Variants in ATAD3A observed in about 807,000 individuals in gnomAD.
ATAD3A encodes ATPase family AAA domain containing 3A.
Under a neutral mutation model 73.8 loss-of-function variants are expected in ATAD3A, and 46 were observed. The observed-to-expected ratio is 0.62, with a 90% CI of 0.49 to 0.80. ATAD3A has a LOEUF of 0.80. ATAD3A is among the 30% of genes least tolerant of loss of function. ATAD3A has a pLI of 0.00. For synonymous variants in ATAD3A, 319 were observed against 350.0 expected, an observed-to-expected ratio of 0.91 and a Z score of 0.99; for missense variants, 705 against 838.0, an observed-to-expected ratio of 0.84 and a Z score of 1.96.
At chr1:1,516,727 AT>A (rs1177132584) in intron 2 of ATAD3A, among the ~76,000 whole-genome samples, 2 of 150,240 alleles carry the variant, frequency 1.3e-5, no homozygotes, top group African/African-American at 2.5e-5. Context: ...TCATATTATT[AT>A]TTTTTTATAG....
intron 4 of ATAD3A, 103 bp from the exon 5 acceptor site, chr1:1,518,818 G>A: frequency 6.2e-7 from 1 of 1,600,116 alleles, no homozygotes. Context: ...CCGCAAACGG[G>A]CACACTCACC....
At chr1:1,525,142 G>A in intron 11 of ATAD3A, 98 bp from the exon 12 acceptor site, 4 of 1,517,790 alleles carry the variant, frequency 2.6e-6, no homozygotes, top group Non-Finnish European at 3.6e-6. Context: ...GACCCCGTGG[G>A]GATCTGCCTG....
intron 1 of ATAD3A, among the ~76,000 whole-genome samples, chr1:1,513,318 G>A (rs931499764): frequency 1.3e-5 from 2 of 151,460 alleles, no homozygotes; most frequent in African/African-American, 4.9e-5. Flanking sequence ...TTCACTTAGA[G>A]ATTGAAACTT....
chr1:1,527,129 T>C (rs938685033), intron 13 of ATAD3A: 20 of 1,286,644 alleles, frequency 1.6e-5, no homozygotes, highest in Non-Finnish European at 1.9e-5. Flanking sequence ...TCCCCTAATT[T>C]TGAGTTTTCT....
At chr1:1,514,021 A>G (rs965626461) in intron 1 of ATAD3A, among the ~76,000 whole-genome samples, 17 of 151,874 alleles carry the variant, frequency 1.1e-4, no homozygotes, top group African/African-American at 4.1e-4. Flanking sequence ...CTCGCCCTGC[A>G]CTCCACAGAG....
At chr1:1,518,000 C>A (rs1388910929) in intron 4 of ATAD3A, among the ~76,000 whole-genome samples, 2 of 151,942 alleles carry the variant, frequency 1.3e-5, no homozygotes, top group Non-Finnish European at 2.9e-5. Context: ...CCTACCCACA[C>A]GGACACACAC....
Position 1,534,489 on chromosome 1 carries a change from A to T in ATAD3A, c.*417A>T. On this transcript the variant is annotated 3_prime_UTR_variant, in exon 16 of 16. Coordinates refer to ENST00000378756, the MANE Select transcript of ATAD3A (RefSeq NM_001170535.3). ...AGGTGAGGGGGCGCCTGCCAGGGCC[A>T]GACCCAGGTGGGGCAGCCTGAACCC... is the stretch of plus-strand genomic sequence containing the variant. The T allele has an allele frequency of 1.1e-6, 1 of 942,348 alleles. No individual in the cohort carries two copies. The highest frequency in any genetic ancestry group is 1.4e-6 in the Non-Finnish European group (1 of 719,882). The allele number at this position is 942,348 out of a possible 1,614,324, so 58.4% of individuals were successfully genotyped here. A position where few individuals can be genotyped will look rare whatever the true frequency, so the allele number is the denominator to read the frequency against.
chr1:1,527,571 G>A (rs1243073613), intron 13 of ATAD3A, 124 bp from the exon 14 acceptor site: 2 of 1,312,640 alleles, frequency 1.5e-6, no homozygotes, highest in Non-Finnish European at 2.0e-6. Flanking sequence ...GACCAGGGCT[G>A]TGCCCGTGTC....
At position 1,532,674 on chromosome 1, in the gene ATAD3A, G is replaced by T. The variant is rs538292718; in HGVS notation, c.1615-1252G>T. Among the ~76,000 whole-genome samples, 18 of 152,302 alleles carry T rather than the reference G, an allele frequency of 1.2e-4. No individual in the cohort carries two copies. In the East Asian group the frequency reaches 2.5e-3, roughly 21 times the overall value. ...TCTGCATAGCCCCTTTCCTCTGCTG[G>T]GCCCTGGGTGGGGTGCAGCCACTCG... On this transcript the variant is annotated intron_variant, in intron 15 of 15. Transcript: ENST00000378756.
chr1:1,523,990 G>C lies in ATAD3A; in HGVS notation c.1089+26G>C. 1 of 1,613,482 alleles carries C rather than the reference G, an allele frequency of 6.2e-7. No individual in the cohort carries two copies. Among genetic ancestry groups the C allele is most frequent in the Middle Eastern group, 1.7e-4 (1 of 6,028 alleles). The stretch of plus-strand genomic sequence containing the variant: ...GTGAGAGCGCCTGGCTGAACAGGTG[G>C]GCCAGGGGCCGCTGGGGTCTCACCT... On this transcript the variant is annotated intron_variant, in intron 10 of 15. Transcript: ENST00000378756. The surrounding 1 kb of genome is among the most constrained non-coding windows in gnomAD (Gnocchi z 5.1).
At chr1:1,521,663 G>A (rs575572512) in intron 7 of ATAD3A, among the ~76,000 whole-genome samples, 1 of 152,370 alleles carries the variant, frequency 6.6e-6, no homozygotes, top group South Asian at 2.1e-4. Flanking sequence ...ACCGTGTCAC[G>A]TGAGGACATG....
intron 15 of ATAD3A, among the ~76,000 whole-genome samples, chr1:1,530,050 A>AG (rs1641983893): frequency 6.6e-6 from 1 of 152,232 alleles, no homozygotes; most frequent in African/African-American, 2.4e-5. Context: ...AACGTGTGAC[A>AG]GCTTAATGAA....
intron 4 of ATAD3A, among the ~76,000 whole-genome samples, chr1:1,518,467 ATGGGCACAG>A: frequency 1.0e-5 from 1 of 95,274 alleles, no homozygotes; most frequent in East Asian, 3.6e-4. Flanking sequence ...CCCTATACAC[ATGGGCACAG>A]CCCCCCCGCA....
At chr1:1,527,057 G>A (rs1226193807) in intron 13 of ATAD3A, 4 of 719,902 alleles carry the variant, frequency 5.6e-6, no homozygotes. Context: ...TCTGTGGGCT[G>A]CCGCCCAGAG....
At position 1,522,784 on chromosome 1, in the gene ATAD3A, C is replaced by T. The variant is rs762003897; in HGVS notation, c.791C>T (p.Ala264Val). The T allele has an allele frequency of 6.2e-7, 1 of 1,611,598 alleles. No individual in the cohort carries two copies. The highest frequency in any genetic ancestry group is 1.1e-5 in the South Asian group (1 of 91,016). Reference protein sequence around the residue: ...LTLLAVGVYSAKNATLVAGRF... With the variant: ...LTLLAVGVYSVKNATLVAGRF... ...CTGCTGGCTGTTGGGGTCTACTCAGCCAAGAATGCCACGCTTGTCGCCGGC... is the reference window on the plus strand; with the variant it reads ...CTGCTGGCTGTTGGGGTCTACTCAGTCAAGAATGCCACGCTTGTCGCCGGC... Residue 264 changes from alanine (A) to valine (V), a missense_variant, in exon 8 of 16, where the codon GCC (alanine) becomes GTC (valine). Ala to Val is a moderately conservative substitution (Grantham distance 64, BLOSUM62 0). This residue lies in a region of ATAD3A where 315 missense variants were observed against 334.1 expected (regional missense o/e 0.94). Transcript: ENST00000378756.
chr1:1,512,807 C>G (rs1641245054), intron 1 of ATAD3A: 1 of 1,029,458 alleles, frequency 9.7e-7, no homozygotes, highest in South Asian at 2.5e-5. Context: ...GCCGCCTCCA[C>G]GTGGCACAGG....
Position 1,512,485 on chromosome 1 carries a change from GGGGCGGGGCGGCGCGGGCGGGC to G in ATAD3A, c.205+20_205+41del, listed in dbSNP as rs768556524. The G allele has an allele frequency of 2.2e-5, 26 of 1,197,706 alleles. 2 individuals are homozygous for G. The South Asian group carries it at 7.4e-4, about 34-fold the overall frequency. 74.2% of individuals were successfully genotyped at this position (1,197,706 alleles called of 1,614,324 possible). On this transcript the variant is annotated intron_variant, in intron 1 of 15. Transcript: ENST00000378756. ...GCTGGAGCACTCGCGTGAGTGCGGC[GGGGCGGGGCGGCGCGGGCGGGC>G]GGGCGGGACGGGCCGGGGAAGCGGG...
In ATAD3A at chr1:1,528,627, A is replaced by T. The variant is rs558542764; in HGVS notation, c.1506-596A>T. On this transcript the variant is annotated intron_variant, in intron 14 of 15. Transcript: ENST00000378756. ...CCAGGTGATGAGGGGCCCTGGCACC[A>T]CACACCGGCTGCCTCGGGAACACTC... Among the ~76,000 whole-genome samples, 62 of 152,360 alleles carry T rather than the reference A, an allele frequency of 4.1e-4. 1 individual carries two copies. In the East Asian group the frequency reaches 0.011, roughly 27 times the overall value.
At chr1:1,525,778 T>C (rs778795204) in intron 12 of ATAD3A, among the ~76,000 whole-genome samples, 1 of 152,056 alleles carries the variant, frequency 6.6e-6, no homozygotes, top group Non-Finnish European at 1.5e-5. Flanking sequence ...CGATCACAGC[T>C]CACTGTTGCC....
Sources: allele counts gnomAD v4.1 joint callset (sites outside exome capture counted in the v4.1 genomes callset), GRCh38; gene constraint gnomAD v4.1.1; regional missense constraint gnomAD v4.1.1; non-coding constraint Gnocchi (gnomAD v3.1); transcripts MANE v1.5; gene names NCBI Gene and HGNC (gene_info 2026-07-23, HGNC 2026-07-21).